EFNA3: variants seen among roughly 807,000 people sequenced by gnomAD.
The protein encoded by EFNA3 is ephrin-A3.
A neutral mutation model predicts 25.0 loss-of-function variants in EFNA3; 15 were observed. The ratio of observed to expected loss-of-function variants is 0.60; its 90% CI spans 0.40 to 0.92. EFNA3 has a LOEUF of 0.92. Ranked by LOEUF, EFNA3 falls within the 40% of genes least tolerant of loss-of-function variation. The pLI is 0.00. For synonymous variants in EFNA3, 153 were observed against 145.6 expected (o/e 1.05, Z -0.37); for missense variants, 298 against 323.8 (o/e 0.92, Z 0.61).
At chr1:155,082,080 G>C (rs1205055231) in intron 1 of EFNA3, among the ~76,000 whole-genome samples, 1 of 152,160 alleles carries the variant, frequency 6.6e-6, no homozygotes, top group East Asian at 1.9e-4. Flanking sequence ...CAGGGCGCCT[G>C]AGGGGCGCAG....
In EFNA3 at chr1:155,085,526, C is replaced by A; in HGVS notation, c.442+122C>A. The A allele has an allele frequency of 1.6e-6, 2 of 1,255,774 alleles. No homozygotes were observed. The highest frequency in any genetic ancestry group is 2.1e-6 in the Non-Finnish European group (2 of 930,294). The allele number at this position is 1,255,774 out of a possible 1,614,324, so 77.8% of individuals were successfully genotyped here. ...CGGGCGCCAGGTCTCGCGGCTGAGA[C>A]CAGGGAGGAGGCGTGGGCACGGGAC... On this transcript the variant is annotated intron_variant, in intron 2 of 4. Coordinates refer to ENST00000368408, the MANE Select transcript of EFNA3 (RefSeq NM_004952.5). The surrounding 1 kb of genome is among the most constrained non-coding windows in gnomAD (Gnocchi z 4.4).
intron 1 of EFNA3, among the ~76,000 whole-genome samples, chr1:155,082,953 A>G (rs956363588): frequency 9.2e-5 from 14 of 152,174 alleles, no homozygotes; most frequent in Middle Eastern, 3.4e-3. Context: ...CTGTGTACCA[A>G]CTGGGCCCAG....
chr1:155,080,971 A>C lies in EFNA3; in HGVS notation c.128+1902A>C, dbSNP rs535599509. Among the ~76,000 whole-genome samples the C allele has an allele frequency of 4.3e-4, 65 of 151,950 alleles. No homozygotes were observed. The highest frequency in any genetic ancestry group is 8.2e-4 in the Non-Finnish European group (56 of 67,912). ...ACGTGCTCCGGAGCCGAGAATGGAG[A>C]GGGCCGGGGAGCTGGGGGCGGGGCC... On this transcript the variant is annotated intron_variant, in intron 1 of 4. Transcript: ENST00000368408. The surrounding 1 kb of genome is among the most constrained non-coding windows in gnomAD (Gnocchi z 7.0).
chr1:155,082,923 C>T (rs1295928426), intron 1 of EFNA3, among the ~76,000 whole-genome samples: 1 of 152,160 alleles, frequency 6.6e-6, no homozygotes, highest in African/African-American at 2.4e-5. Flanking sequence ...TGGCTCTCAC[C>T]CCGTTTGTCC....
chr1:155,083,549 C>A (rs1401361992), intron 1 of EFNA3, among the ~76,000 whole-genome samples: 1 of 152,220 alleles, frequency 6.6e-6, no homozygotes, highest in Non-Finnish European at 1.5e-5. Context: ...CCAAAGGAGG[C>A]TGTGCCAATT....
At chr1:155,083,657 G>A (rs1483895527) in intron 1 of EFNA3, among the ~76,000 whole-genome samples, 1 of 152,212 alleles carries the variant, frequency 6.6e-6, no homozygotes, top group Non-Finnish European at 1.5e-5. Context: ...AGCCAAGGAA[G>A]TGGGGTCAGG....
Position 155,079,883 on chromosome 1 carries a change from C to T in EFNA3, c.128+814C>T, listed in dbSNP as rs1309515421. Among the ~76,000 whole-genome samples the T allele has an allele frequency of 6.6e-6, 1 of 151,814 alleles. No individual in the cohort carries two copies. The highest frequency in any genetic ancestry group is 1.5e-5 in the Non-Finnish European group (1 of 67,934). On this transcript the variant is annotated intron_variant, in intron 1 of 4. Coordinates refer to ENST00000368408, the MANE Select transcript of EFNA3 (RefSeq NM_004952.5). The surrounding 1 kb of genome is among the most constrained non-coding windows in gnomAD (Gnocchi z 7.7). ...TCGGGGAAGGGGCTGCGGTCGCTGT[C>T]CGCGCGGCCAGCTGCGTCTGGGCTG...
chr1:155,081,032 G>A lies in EFNA3; in HGVS notation c.128+1963G>A, dbSNP rs1436836614. On this transcript the variant is annotated intron_variant, in intron 1 of 4. Coordinates refer to ENST00000368408, the MANE Select transcript of EFNA3 (RefSeq NM_004952.5). This position sits in a 1 kb window ranked among gnomAD's most constrained non-coding sequence, Gnocchi z 5.2. ...CAGGCTCCCGCGCCCCCTCCCCCTA[G>A]TCACGTGAGCTGGGCTCCTGGCTCC... Among the ~76,000 whole-genome samples, 1 of 152,210 alleles carries A rather than the reference G, an allele frequency of 6.6e-6. No individual in the cohort carries two copies. The highest frequency in any genetic ancestry group is 1.9e-4 in the East Asian group (1 of 5,190).
intron 3 of EFNA3, 82 bp downstream of exon 3, chr1:155,086,024 G>T: frequency 6.4e-7 from 1 of 1,570,854 alleles, no homozygotes; most frequent in African/African-American, 1.4e-5. Context: ...GGGTGGGGGC[G>T]GAGGGCACAG....
Position 155,085,040 on chromosome 1 carries a change from C to A in EFNA3, c.129-51C>A, listed in dbSNP as rs535784653. ...GGCTGCGGAGCGGTCAGATGGAAAG[C>A]GGCTTTGCTCTGGGGTTTCTTCTCT... On this transcript the variant is annotated intron_variant, in intron 1 of 4. Transcript: ENST00000368408. This position sits in a 1 kb window ranked among gnomAD's most constrained non-coding sequence, Gnocchi z 4.4. 20 of 1,585,164 alleles carry A rather than the reference C, an allele frequency of 1.3e-5. No homozygotes were observed. The highest frequency in any genetic ancestry group is 1.7e-5 in the Non-Finnish European group (20 of 1,164,358).
chr1:155,085,707 G>C lies in EFNA3; in HGVS notation c.443-170G>C, dbSNP rs950497718. 1 of 764,954 alleles carries C rather than the reference G, an allele frequency of 1.3e-6. No homozygotes were observed. 47.4% of individuals were successfully genotyped at this position (764,954 alleles called of 1,614,324 possible). A position where few individuals can be genotyped will look rare whatever the true frequency, so the allele number is the denominator to read the frequency against. On this transcript the variant is annotated intron_variant, in intron 2 of 4. Coordinates refer to ENST00000368408, the MANE Select transcript of EFNA3 (RefSeq NM_004952.5). This position sits in a 1 kb window ranked among gnomAD's most constrained non-coding sequence, Gnocchi z 4.4. ...TTTCTTGAGGGGTGGGACCAAAGGG[G>C]CGTCTAGGGCCGACGGCAGAGCTAA...
In EFNA3 at chr1:155,085,693, G is replaced by A. The variant is rs1452154707; in HGVS notation, c.443-184G>A. ...ATCAGGGATCCCAGTTTCTTGAGGGGTGGGACCAAAGGGGCGTCTAGGGCC... is the reference window on the plus strand; with the variant it reads ...ATCAGGGATCCCAGTTTCTTGAGGGATGGGACCAAAGGGGCGTCTAGGGCC... On this transcript the variant is annotated intron_variant, in intron 2 of 4. Transcript: ENST00000368408. This position sits in a 1 kb window ranked among gnomAD's most constrained non-coding sequence, Gnocchi z 4.4. 2 of 719,282 alleles carry A rather than the reference G, an allele frequency of 2.8e-6. No individual in the cohort carries two copies. Among genetic ancestry groups the A allele is most frequent in the East Asian group, 2.7e-5 (1 of 36,770 alleles). The allele number at this position is 719,282 out of a possible 1,614,324, so 44.6% of individuals were successfully genotyped here.
At position 155,086,562 on chromosome 1, in the gene EFNA3, G is replaced by GT. The variant is rs1212787710; in HGVS notation, c.*19_*20insT. 2.5e-6 allele frequency: 4 copies of GT among 1,612,230 alleles called. No individual in the cohort carries two copies. The highest frequency in any genetic ancestry group is 2.7e-5 in the African/African-American group (2 of 74,694). Reference sequence around the variant, plus strand: ...CTCCTAGCTCTGCCCCCTCCCCTGGGGGGGGAGAGATGGGGCGGGGCTTGG... The same window carrying GT: ...CTCCTAGCTCTGCCCCCTCCCCTGGGTGGGGGAGAGATGGGGCGGGGCTTGG... On this transcript the variant is annotated 3_prime_UTR_variant, in exon 5 of 5. Coordinates refer to ENST00000368408, the MANE Select transcript of EFNA3 (RefSeq NM_004952.5).
rs1161334285 is a variant in EFNA3 at position 155,085,214 on chromosome 1, G to T, written c.252G>T (p.Glu84Asp). 6.2e-7 allele frequency: 1 copy of T among 1,613,152 alleles called. No homozygotes were observed. The highest frequency in any genetic ancestry group is 8.5e-7 in the Non-Finnish European group (1 of 1,179,844). The part of the protein sequence containing the change: ...GAGPGPGGGA[E>D]QYVLYMVSRN... The stretch of plus-strand genomic sequence containing the variant: ...GACCGGGGCCCGGAGGCGGGGCAGA[G>T]CAGTACGTGCTGTACATGGTGAGCC... Residue 84 changes from glutamate to aspartate, a missense_variant, in exon 2 of 5, where the codon GAG becomes GAT. Coordinates refer to ENST00000368408, the MANE Select transcript of EFNA3 (RefSeq NM_004952.5). The surrounding 1 kb of genome is among the most constrained non-coding windows in gnomAD (Gnocchi z 4.4).
rs1663317939 is a variant in EFNA3 at position 155,080,312 on chromosome 1, T to C, written c.128+1243T>C. Among the ~76,000 whole-genome samples the C allele has an allele frequency of 6.6e-6, 1 of 151,924 alleles. No individual in the cohort carries two copies. The highest frequency in any genetic ancestry group is 2.1e-4 in the South Asian group (1 of 4,824). ...CTGCCGCTCGCCGCTCCGCTCTTTGTTGTTTGGGGCTCCGCGCCTCCCCCT... is the reference window on the plus strand; with the variant it reads ...CTGCCGCTCGCCGCTCCGCTCTTTGCTGTTTGGGGCTCCGCGCCTCCCCCT... On this transcript the variant is annotated intron_variant, in intron 1 of 4. Transcript: ENST00000368408. This position sits in a 1 kb window ranked among gnomAD's most constrained non-coding sequence, Gnocchi z 7.0.
rs1291393276 is a variant in EFNA3, at chr1:155,078,922, C to T, written c.-20C>T. 1.1e-5 allele frequency: 15 copies of T among 1,379,002 alleles called. No homozygotes were observed. Among genetic ancestry groups the T allele is most frequent in the Admixed American group, 3.8e-5 (1 of 26,458 alleles). The allele number at this position is 1,379,002 out of a possible 1,614,324, so 85.4% of individuals were successfully genotyped here. On this transcript the variant is annotated 5_prime_UTR_variant, in exon 1 of 5. Transcript: ENST00000368408. ...AGCGCGGGGCTCAGTCGGGGGGCGG[C>T]GGCGGCGGCGGCTCCGGGGATGGCG...
rs1240242009 is a variant in EFNA3 at position 155,086,154 on chromosome 1, C to G, written c.535C>G (p.Pro179Ala). The G allele has an allele frequency of 1.2e-6, 2 of 1,613,654 alleles. No homozygotes were observed. The highest frequency in any genetic ancestry group is 1.7e-6 in the Non-Finnish European group (2 of 1,179,826). Reference sequence around the variant, plus strand: ...ATCGCACTCCGGGGAGAAGCCGGTCCCCACTCTCCCCCAGTTCACCATGGG... The same window carrying G: ...ATCGCACTCCGGGGAGAAGCCGGTCGCCACTCTCCCCCAGTTCACCATGGG... ...STSHSGEKPVPTLPQFTMGPN... is the reference protein window; with the variant it reads ...STSHSGEKPVATLPQFTMGPN... Residue 179 changes from proline to alanine, a missense_variant, in exon 4 of 5, where the codon CCC becomes GCC. Pro to Ala is a conservative substitution (Grantham distance 27). Transcript: ENST00000368408.
intron 3 of EFNA3, 25 bp from the exon 4 acceptor site, chr1:155,086,103 T>TACCCC: frequency 1.3e-6 from 2 of 1,577,652 alleles, no homozygotes; most frequent in Non-Finnish European, 1.7e-6. Flanking sequence ...CCCTCCTCTC[T>TACCCC]CCCCACCCGC....
chr1:155,087,167 C>T lies in EFNA3; in HGVS notation c.*624C>T, dbSNP rs1236185303. The stretch of plus-strand genomic sequence containing the variant: ...GGGGTGCCAGGCAGGCATGTACAGA[C>T]TCTATATCTCTATATATAATGTACA... On this transcript the variant is annotated 3_prime_UTR_variant, in exon 5 of 5. Coordinates refer to ENST00000368408, the MANE Select transcript of EFNA3 (RefSeq NM_004952.5). 1 of 153,798 alleles carries T rather than the reference C, an allele frequency of 6.5e-6. No homozygotes were observed. The highest frequency in any genetic ancestry group is 1.5e-5 in the Non-Finnish European group (1 of 68,764). 9.5% of individuals were successfully genotyped at this position (153,798 alleles called of 1,614,324 possible). A position where few individuals can be genotyped will look rare whatever the true frequency, so the allele number is the denominator to read the frequency against.
Sources: allele counts gnomAD v4.1 joint callset (sites outside exome capture counted in the v4.1 genomes callset), GRCh38; gene constraint gnomAD v4.1.1; non-coding constraint Gnocchi (gnomAD v3.1); transcripts MANE v1.5; gene names NCBI Gene and HGNC (gene_info 2026-07-23, HGNC 2026-07-21).